Variants in XRCC2 observed in about 807,000 individuals in gnomAD.
XRCC2 encodes X-ray repair cross complementing 2.
In XRCC2, 24 loss-of-function variants were observed where a neutral mutation model predicts 27.3. That is an observed-to-expected ratio of 0.88 (90% CI 0.64 to 1.24). The LOEUF is 1.24. XRCC2 is among the 50% of genes most tolerant of loss of function. The pLI is 0.00. For synonymous variants in XRCC2, 106 were observed against 115.4 expected (o/e 0.92, Z 0.52); for missense variants, 321 against 325.8 (o/e 0.99, Z 0.11).
chr7:152,657,034 C>T (rs2098030949), intron 2 of XRCC2, among the ~76,000 whole-genome samples: 1 of 152,006 alleles, frequency 6.6e-6, no homozygotes, highest in African/African-American at 2.4e-5. Context: ...GTCAGGAGTT[C>T]AAGAGCAGCC....
chr7:152,666,616 C>CTTTT (rs1233828302), intron 1 of XRCC2, among the ~76,000 whole-genome samples: 1 of 143,476 alleles, frequency 7.0e-6, no homozygotes, highest in African/African-American at 2.5e-5. Flanking sequence ...AATACAGATT[C>CTTTT]TTTATTTTTT....
chr7:152,648,360 T>C lies in XRCC2; in HGVS notation c.*282A>G, dbSNP rs549479874. Reference sequence around the variant, plus strand: ...AGGCAGAGGCTGCAGCGGGCCGAGATTGTGCCACTGCACTCCAGCAGCCTG... The same window carrying C: ...AGGCAGAGGCTGCAGCGGGCCGAGACTGTGCCACTGCACTCCAGCAGCCTG... On this transcript the variant is annotated 3_prime_UTR_variant, in exon 3 of 3. Coordinates refer to ENST00000359321, the MANE Select transcript of XRCC2 (RefSeq NM_005431.2). 6.9e-5 allele frequency: 15 copies of C among 218,266 alleles called. No homozygotes were observed. The Admixed American group carries it at 7.9e-4, about 12-fold the overall frequency. The allele number at this position is 218,266 out of a possible 1,614,324, so 13.5% of individuals were successfully genotyped here. A position where few individuals can be genotyped will look rare whatever the true frequency, so the allele number is the denominator to read the frequency against.
Position 152,649,349 on chromosome 7 carries a change from A to T in XRCC2, c.136T>A (p.Phe46Ile). The T allele has an allele frequency of 6.3e-7, 1 of 1,588,346 alleles. No homozygotes were observed. The highest frequency in any genetic ancestry group is 8.6e-7 in the Non-Finnish European group (1 of 1,168,296). Residue 46 changes from phenylalanine to isoleucine, a missense_variant, in exon 3 of 3, where the codon TTT becomes ATT. Transcript: ENST00000359321. ...DSPVHGDILE[F>I]HGPEGTGKTE... is the part of the protein sequence containing the mutation. ...TTTCCTGTTCCTTCTGGGCCATGAAATTCAAGAATATCACCTGTGTAAAAT... is the reference window on the plus strand; with the variant it reads ...TTTCCTGTTCCTTCTGGGCCATGAATTTCAAGAATATCACCTGTGTAAAAT...
chr7:152,662,724 C>T (rs942459940), intron 1 of XRCC2, among the ~76,000 whole-genome samples: 49 of 150,842 alleles, frequency 3.2e-4, no homozygotes, highest in Non-Finnish European at 6.5e-4. Flanking sequence ...AGGCGCCCGC[C>T]ACTACGCCCG....
At chr7:152,657,335 TGTTG>T (rs1312270440) in intron 2 of XRCC2, among the ~76,000 whole-genome samples, 1 of 152,148 alleles carries the variant, frequency 6.6e-6, no homozygotes, top group Non-Finnish European at 1.5e-5. Context: ...AGTCTTGCTC[TGTTG>T]CCCAGGCTGG....
intron 2 of XRCC2, among the ~76,000 whole-genome samples, chr7:152,651,085 G>A (rs895174985): frequency 2.0e-5 from 3 of 151,652 alleles, no homozygotes; most frequent in East Asian, 2.0e-4. Flanking sequence ...GATTACAGGC[G>A]TGCGCTACCG....
chr7:152,660,616 AG>A (rs1351322126), intron 2 of XRCC2, 84 bp downstream of exon 2: 2 of 1,097,024 alleles, frequency 1.8e-6, no homozygotes, highest in Non-Finnish European at 2.6e-6. Flanking sequence ...AACTCTTGTG[AG>A]GAGTATGTGT....
chr7:152,668,922 T>A (rs1257361091), intron 1 of XRCC2, among the ~76,000 whole-genome samples: 2 of 152,210 alleles, frequency 1.3e-5, no homozygotes, highest in Non-Finnish European at 2.9e-5. Flanking sequence ...GTTACTATTG[T>A]ATTTTTCACA....
At position 152,645,220 on chromosome 7, in the gene XRCC2, T is replaced by C. The variant is rs926273161; in HGVS notation, c.*3422A>G. The stretch of plus-strand genomic sequence containing the variant: ...ATTAGATTTATTTCTAGAAACTTTA[T>C]ATTTTTAGTTATGATTAAATATTAT... On this transcript the variant is annotated 3_prime_UTR_variant, in exon 3 of 3. Transcript: ENST00000359321. 6.6e-6 allele frequency: 1 copy of C among 151,720 alleles called. No individual in the cohort carries two copies. The highest frequency in any genetic ancestry group is 1.5e-5 in the Non-Finnish European group (1 of 67,954). 9.4% of individuals were successfully genotyped at this position (151,720 alleles called of 1,614,324 possible).
At chr7:152,669,785 CA>C (rs1362017733) in intron 1 of XRCC2, among the ~76,000 whole-genome samples, 1 of 151,574 alleles carries the variant, frequency 6.6e-6, no homozygotes, top group Non-Finnish European at 1.5e-5. Flanking sequence ...GTAGCCAACA[CA>C]GTTGCTGTTT....
At chr7:152,673,786 G>A (rs1395233781) in intron 1 of XRCC2, among the ~76,000 whole-genome samples, 1 of 152,020 alleles carries the variant, frequency 6.6e-6, no homozygotes, top group Non-Finnish European at 1.5e-5. Context: ...TGAGGCAGGA[G>A]AATTGCTGGA....
At chr7:152,654,048 T>C (rs1252685591) in intron 2 of XRCC2, among the ~76,000 whole-genome samples, 1 of 151,722 alleles carries the variant, frequency 6.6e-6, no homozygotes, top group East Asian at 1.9e-4. Flanking sequence ...ATATAAAAAT[T>C]AGCTGGGCAT....
intron 2 of XRCC2, among the ~76,000 whole-genome samples, chr7:152,653,401 G>A (rs1276171630): frequency 1.3e-5 from 2 of 152,070 alleles, no homozygotes; most frequent in Non-Finnish European, 1.5e-5. Flanking sequence ...AACCTAATGT[G>A]GTGACTTAAA....
intron 2 of XRCC2, among the ~76,000 whole-genome samples, chr7:152,656,630 G>GT (rs1302228317): frequency 2.0e-5 from 3 of 152,142 alleles, no homozygotes; most frequent in African/African-American, 4.8e-5. Context: ...ACATGATGGT[G>GT]TTTTTCAACG....
At chr7:152,668,366 G>A (rs1361439622) in intron 1 of XRCC2, among the ~76,000 whole-genome samples, 5 of 152,066 alleles carry the variant, frequency 3.3e-5, no homozygotes, top group Non-Finnish European at 7.4e-5. Context: ...TCCATTGGGG[G>A]TCTTGGAACA....
intron 1 of XRCC2, among the ~76,000 whole-genome samples, chr7:152,670,768 T>G (rs2117009249): frequency 1.3e-5 from 2 of 152,096 alleles, no homozygotes; most frequent in African/African-American, 4.8e-5. Flanking sequence ...CCCGGTAATT[T>G]TTGTATTTTT....
intron 1 of XRCC2, among the ~76,000 whole-genome samples, chr7:152,664,859 C>T (rs767661300): frequency 1.2e-4 from 19 of 152,118 alleles, no homozygotes; most frequent in African/African-American, 3.9e-4. Flanking sequence ...CTTGGGCTTA[C>T]GGGCAACAAC....
intron 1 of XRCC2, among the ~76,000 whole-genome samples, chr7:152,665,469 T>TC (rs1414492845): frequency 7.1e-6 from 1 of 141,278 alleles, no homozygotes; most frequent in South Asian, 2.3e-4. Flanking sequence ...AAGATTTCAC[T>TC]CCAACTGTAA....
In XRCC2 at chr7:152,676,089, G is replaced by C. The variant is rs377067415; in HGVS notation, c.-10C>G. ...GGAAGGCACTACACATCGCCCCGAA[G>C]GCTCGGCGCAGGAGAGACTCAACTT... On this transcript the variant is annotated 5_prime_UTR_variant, in exon 1 of 3. Coordinates refer to ENST00000359321, the MANE Select transcript of XRCC2 (RefSeq NM_005431.2). 7.4e-6 allele frequency: 12 copies of C among 1,613,692 alleles called. No individual in the cohort carries two copies. Among genetic ancestry groups the C allele is most frequent in the Non-Finnish European group, 9.3e-6 (11 of 1,179,800 alleles).
Sources: gnomAD v4.1 joint callset for allele counts (sites outside exome capture counted in the v4.1 genomes callset) on GRCh38, gnomAD v4.1.1 for gene constraint, MANE v1.5 for transcripts, NCBI Gene and HGNC (gene_info 2026-07-23, HGNC 2026-07-21) for gene names.